The following CABP7 variants were observed in gnomAD, a reference collection of about 807,000 sequenced individuals.
The protein encoded by CABP7 is calcium-binding protein 7.
A neutral mutation model predicts 23.1 loss-of-function variants in CABP7; 13 were observed. That is an observed-to-expected ratio of 0.56 (90% CI 0.37 to 0.90). The LOEUF (loss-of-function observed/expected upper bound fraction) is 0.90, where lower values mean the gene tolerates loss of function less well. Among genes scored for constraint, CABP7 ranks in the 40% least tolerant of loss-of-function variants. CABP7 has a pLI of 0.01. For synonymous variants in CABP7, 123 were observed against 115.3 expected (o/e 1.07, Z -0.43); for missense variants, 248 against 295.6 (o/e 0.84, Z 1.18).
chr22:29,727,956 G>A lies in CABP7; in HGVS notation c.253+151G>A, dbSNP rs941639172. ...CAAAGTCCGTGGCAGGTTGCAGCCC[G>A]GTCTGGCCCCATTTCTCAGCCTGGA... On this transcript the variant is annotated intron_variant, in intron 2 of 4. Coordinates refer to ENST00000216144, the MANE Select transcript of CABP7 (RefSeq NM_182527.3). This position sits in a 1 kb window ranked among gnomAD's most constrained non-coding sequence, Gnocchi z 4.2. 4.9e-5 allele frequency: 43 copies of A among 883,262 alleles called. No individual in the cohort carries two copies. Among genetic ancestry groups the A allele is most frequent in the South Asian group, 1.6e-4 (9 of 54,934 alleles). 54.7% of individuals were successfully genotyped at this position (883,262 alleles called of 1,614,324 possible).
chr22:29,731,434 C>A lies in CABP7; in HGVS notation c.*1865C>A. On this transcript the variant is annotated 3_prime_UTR_variant, in exon 5 of 5. Transcript: ENST00000216144. The stretch of plus-strand genomic sequence containing the variant: ...TGCCACCCCCAGCCCACCTGCCTCA[C>A]CACCCTGGCTGTGGGGAGGGTCAGC... 1 of 1,495,876 alleles carries A rather than the reference C, an allele frequency of 6.7e-7. No individual in the cohort carries two copies. Among genetic ancestry groups the A allele is most frequent in the Non-Finnish European group, 8.8e-7 (1 of 1,138,502 alleles). The allele number at this position is 1,495,876 out of a possible 1,614,324, so 92.7% of individuals were successfully genotyped here.
At position 29,729,571 on chromosome 22, in the gene CABP7, C is replaced by T. The variant is rs146484285; in HGVS notation, c.*2C>T. 221 of 1,608,966 alleles carry T rather than the reference C, an allele frequency of 1.4e-4. No individual in the cohort carries two copies. The highest frequency in any genetic ancestry group is 6.5e-4 in the East Asian group (29 of 44,886). ...GTGCTGCGCAGTGGCATGAAGTAGA[C>T]GCCACCTGGATGCCCCATCCACCGC... On this transcript the variant is annotated 3_prime_UTR_variant, in exon 5 of 5. Transcript: ENST00000216144.
rs1390422818 is a variant in CABP7 at position 29,730,132 on chromosome 22, C to T, written c.*563C>T. On this transcript the variant is annotated 3_prime_UTR_variant, in exon 5 of 5. Coordinates refer to ENST00000216144, the MANE Select transcript of CABP7 (RefSeq NM_182527.3). The stretch of plus-strand genomic sequence containing the variant: ...CTTCTCCTTGGGCCCCTTCCTCTGA[C>T]CCTCGTTGGACCCCAACCCAGACCC... The T allele has an allele frequency of 6.5e-6, 1 of 152,978 alleles. No homozygotes were observed. The highest frequency in any genetic ancestry group is 1.5e-5 in the Non-Finnish European group (1 of 68,342). 9.5% of individuals were successfully genotyped at this position (152,978 alleles called of 1,614,324 possible).
At chr22:29,724,560 C>G (rs950373553) in intron 1 of CABP7, among the ~76,000 whole-genome samples, 5 of 152,222 alleles carry the variant, frequency 3.3e-5, no homozygotes, top group African/African-American at 9.7e-5. Flanking sequence ...GACCTTGGGT[C>G]TCTGCCACTT....
rs971641090 is a variant in CABP7, at chr22:29,720,944, C to T, written c.109+411C>T. Among the ~76,000 whole-genome samples, 1 of 152,070 alleles carries T rather than the reference C, an allele frequency of 6.6e-6. No individual in the cohort carries two copies. Among genetic ancestry groups the T allele is most frequent in the African/African-American group, 2.4e-5 (1 of 41,432 alleles). ...GCGCCCGCCCGCGGCTCTCTGCTCG[C>T]ATTGACATTCCGCTCGTGTCGCTTT... On this transcript the variant is annotated intron_variant, in intron 1 of 4. Transcript: ENST00000216144. This position sits in a 1 kb window ranked among gnomAD's most constrained non-coding sequence, Gnocchi z 5.2.
chr22:29,728,938 G>T, intron 3 of CABP7, 117 bp from the exon 4 acceptor site: 1 of 1,344,374 alleles, frequency 7.4e-7, no homozygotes, highest in Non-Finnish European at 1.0e-6. Flanking sequence ...GGGGAATGGA[G>T]CAAGTGTTTT....
At chr22:29,729,351 T>C in intron 4 of CABP7, 91 bp from the exon 5 acceptor site, 1 of 1,578,676 alleles carries the variant, frequency 6.3e-7, no homozygotes, top group South Asian at 1.2e-5. Context: ...CCCCATGGGA[T>C]GAGCCCATGT....
At position 29,729,392 on chromosome 22, in the gene CABP7, GCTTTGATGTCCC is replaced by G. The variant is rs758192697; in HGVS notation, c.521-46_521-35del. 119 of 1,599,462 alleles carry G rather than the reference GCTTTGATGTCCC, an allele frequency of 7.4e-5. No individual in the cohort carries two copies. The Admixed American group carries it at 2.0e-3, about 27-fold the overall frequency. On this transcript the variant is annotated intron_variant, in intron 4 of 4. Transcript: ENST00000216144. ...AGGGCAGGCGGCTCCTGACTCCATC[GCTTTGATGTCCC>G]CTTCTGTCTCCCCGGTGCTCCCGGC...
intron 1 of CABP7, among the ~76,000 whole-genome samples, chr22:29,726,577 T>C (rs1430465241): frequency 1.3e-5 from 2 of 152,232 alleles, no homozygotes; most frequent in Non-Finnish European, 2.9e-5. Context: ...GCACCTCGCG[T>C]GTCTCTACTT....
At position 29,728,614 on chromosome 22, in the gene CABP7, C is replaced by T. The variant is rs1266402142; in HGVS notation, c.254-16C>T. Reference sequence around the variant, plus strand: ...GGGCCCTACCCACTGATTGATTGGACCTGTGCCTCCACCAGGTGATGGTCA... The same window carrying T: ...GGGCCCTACCCACTGATTGATTGGATCTGTGCCTCCACCAGGTGATGGTCA... On this transcript the variant is annotated splice_polypyrimidine_tract_variant and intron_variant, in intron 2 of 4. Coordinates refer to ENST00000216144, the MANE Select transcript of CABP7 (RefSeq NM_182527.3). 6.5e-7 allele frequency: 1 copy of T among 1,549,830 alleles called. No homozygotes were observed.
At chr22:29,725,263 T>A (rs1412132645) in intron 1 of CABP7, among the ~76,000 whole-genome samples, 2 of 152,150 alleles carry the variant, frequency 1.3e-5, no homozygotes, top group African/African-American at 4.8e-5. Flanking sequence ...TCAGCCTCCC[T>A]GTCTGCTTCT....
chr22:29,731,222 G>C lies in CABP7; in HGVS notation c.*1653G>C. The stretch of plus-strand genomic sequence containing the variant: ...ACGTGGGGGTCAGTCGGGGGCAAGG[G>C]GCTCAGCCCCACTGGACTCTGGGCT... On this transcript the variant is annotated 3_prime_UTR_variant, in exon 5 of 5. Coordinates refer to ENST00000216144, the MANE Select transcript of CABP7 (RefSeq NM_182527.3). The C allele has an allele frequency of 6.7e-7, 1 of 1,495,630 alleles. No individual in the cohort carries two copies. Among genetic ancestry groups the C allele is most frequent in the Non-Finnish European group, 8.8e-7 (1 of 1,133,710 alleles). 92.6% of individuals were successfully genotyped at this position (1,495,630 alleles called of 1,614,324 possible).
chr22:29,728,992 C>T, intron 3 of CABP7, 63 bp from the exon 4 acceptor site: 2 of 1,580,198 alleles, frequency 1.3e-6, no homozygotes, highest in South Asian at 1.1e-5. Flanking sequence ...GTCTGTATGG[C>T]CGTGGGGTGC....
At chr22:29,725,927 G>A (rs1232859898) in intron 1 of CABP7, among the ~76,000 whole-genome samples, 1 of 152,164 alleles carries the variant, frequency 6.6e-6, no homozygotes, top group East Asian at 1.9e-4. Context: ...CTAGGGACCG[G>A]AATCCCCTCA....
intron 1 of CABP7, among the ~76,000 whole-genome samples, chr22:29,724,820 C>T (rs1358796673): frequency 6.6e-6 from 1 of 152,228 alleles, no homozygotes; most frequent in South Asian, 2.1e-4. Context: ...GGCTGCCTCC[C>T]AGCTTATCGC....
At position 29,727,911 on chromosome 22, in the gene CABP7, G is replaced by A. The variant is rs961804245; in HGVS notation, c.253+106G>A. ...AGGCTGCATCCAAATTGGGTCTCTC[G>A]CTCCCCTGACTCCCACCCTCAAAGT... On this transcript the variant is annotated intron_variant, in intron 2 of 4. Coordinates refer to ENST00000216144, the MANE Select transcript of CABP7 (RefSeq NM_182527.3). The surrounding 1 kb of genome is among the most constrained non-coding windows in gnomAD (Gnocchi z 4.2). 28 of 1,300,804 alleles carry A rather than the reference G, an allele frequency of 2.2e-5. No individual in the cohort carries two copies. Among genetic ancestry groups the A allele is most frequent in the Admixed American group, 7.8e-5 (3 of 38,400 alleles). The allele number at this position is 1,300,804 out of a possible 1,614,324, so 80.6% of individuals were successfully genotyped here.
At chr22:29,729,319 A>G in intron 4 of CABP7, 111 bp downstream of exon 4, 1 of 1,577,664 alleles carries the variant, frequency 6.3e-7, no homozygotes, top group Non-Finnish European at 8.6e-7. Context: ...TGCCTGTCCT[A>G]AGCCTCTGTC....
intron 1 of CABP7, among the ~76,000 whole-genome samples, chr22:29,721,263 GC>G (rs1408090804): frequency 6.6e-6 from 1 of 152,204 alleles, no homozygotes; most frequent in African/African-American, 2.4e-5. Context: ...CAGGGGGATG[GC>G]AGGCCGCTGG....
At position 29,727,429 on chromosome 22, in the gene CABP7, G is replaced by A. The variant is rs374855506; in HGVS notation, c.110-233G>A. On this transcript the variant is annotated intron_variant, in intron 1 of 4. Coordinates refer to ENST00000216144, the MANE Select transcript of CABP7 (RefSeq NM_182527.3). This position sits in a 1 kb window ranked among gnomAD's most constrained non-coding sequence, Gnocchi z 4.2. ...AGCCTGGCGCAATCAGATCCCAAGA[G>A]GTCACTGCTGGGGGGCCTTGAGCCC... is the stretch of plus-strand genomic sequence containing the variant. Among the ~76,000 whole-genome samples, 28 of 152,334 alleles carry A rather than the reference G, an allele frequency of 1.8e-4. No individual in the cohort carries two copies. The highest frequency in any genetic ancestry group is 6.3e-4 in the African/African-American group (26 of 41,580).
Sources: gnomAD v4.1 joint callset for allele counts (sites outside exome capture counted in the v4.1 genomes callset) on GRCh38, gnomAD v4.1.1 for gene constraint, Gnocchi (gnomAD v3.1) non-coding constraint, MANE v1.5 for transcripts, NCBI Gene and HGNC (gene_info 2026-07-23, HGNC 2026-07-21) for gene names.